Variants in FRMD4A observed in about 807,000 individuals in gnomAD.
The protein encoded by FRMD4A is FERM domain containing 4A.
FRMD4A carries 29 observed loss-of-function variants against 129.1 expected under a neutral mutation model. The ratio of observed to expected loss-of-function variants is 0.22; its 90% confidence interval spans 0.17 to 0.31. FRMD4A has a LOEUF of 0.31. FRMD4A is among the 10% of genes least tolerant of loss of function. FRMD4A has a pLI of 1.00. For synonymous variants in FRMD4A, 634 were observed against 571.6 expected, an observed-to-expected ratio of 1.11 and a Z score of -1.56; for missense variants, 1,272 against 1,375.8, an observed-to-expected ratio of 0.92 and a Z score of 1.19.
At chr10:14,140,506 G>T (rs1487429566) in intron 2 of FRMD4A, among the ~76,000 whole-genome samples, 1 of 152,226 alleles carries the variant, frequency 6.6e-6, no homozygotes, top group African/African-American at 2.4e-5. Context: ...GGGCTTTGAA[G>T]ATGTGAGATG....
chr10:13,793,654 G>C (rs1251640691), intron 5 of FRMD4A, among the ~76,000 whole-genome samples: 1 of 152,140 alleles, frequency 6.6e-6, no homozygotes, highest in South Asian at 2.1e-4. Flanking sequence ...GAGCCCAACC[G>C]TGCTTCTGTT....
intron 3 of FRMD4A, among the ~76,000 whole-genome samples, chr10:13,851,149 G>T (rs1016507545): frequency 6.6e-6 from 1 of 152,216 alleles, no homozygotes; most frequent in Non-Finnish European, 1.5e-5. Flanking sequence ...GGGAGGCAGA[G>T]GTTGCCGTGA....
At chr10:13,872,253 T>C (rs2094446549) in intron 2 of FRMD4A, among the ~76,000 whole-genome samples, 1 of 152,210 alleles carries the variant, frequency 6.6e-6, no homozygotes, top group African/African-American at 2.4e-5. Context: ...AGGAGGCTAA[T>C]TCTGGGCAGG....
intron 3 of FRMD4A, among the ~76,000 whole-genome samples, chr10:13,823,651 G>A (rs2093660552): frequency 6.6e-6 from 1 of 152,164 alleles, no homozygotes. Context: ...ATCTTGTCCT[G>A]CAGTGAGTAA....
Position 14,000,646 on chromosome 10 carries a change from C to CAAAAAAAAAAA in FRMD4A, c.46-141745_46-141735dup, listed in dbSNP as rs11377448. Reference sequence around the variant, plus strand: ...TGGGTGACAGAGCAAGACGCCACCTCAAAAAAAAAAAAAAAAAAAAAAGAG... The same window carrying CAAAAAAAAAAA: ...TGGGTGACAGAGCAAGACGCCACCTCAAAAAAAAAAAAAAAAAAAAAAAAAAAAAAAAAGAG... On this transcript the variant is annotated intron_variant, in intron 2 of 24. Transcript: ENST00000357447. 4.4e-3 allele frequency among the ~76,000 whole-genome samples: 192 copies of CAAAAAAAAAAA among 43,432 alleles called. 18 individuals are homozygous for CAAAAAAAAAAA. Among genetic ancestry groups the CAAAAAAAAAAA allele is most frequent in the Non-Finnish European group, 5.1e-3 (123 of 24,056 alleles). The allele number at this position is 43,432 out of a possible 152,430, so 28.5% of individuals were successfully genotyped here.
intron 8 of FRMD4A, among the ~76,000 whole-genome samples, chr10:13,755,844 C>A (rs2091839093): frequency 6.6e-6 from 1 of 152,146 alleles, no homozygotes; most frequent in Non-Finnish European, 1.5e-5. Flanking sequence ...TAAACTGGCC[C>A]CCAAGTATTC....
chr10:13,881,224 C>G (rs2077350), intron 2 of FRMD4A, among the ~76,000 whole-genome samples: 1,547 of 146,650 alleles, frequency 0.011, 23 homozygotes, highest in African/African-American at 0.037. Context: ...CAAGACCAGC[C>G]AAGGCAATCT....
intron 17 of FRMD4A, among the ~76,000 whole-genome samples, chr10:13,669,528 G>A (rs2083343873): frequency 6.6e-6 from 1 of 152,214 alleles, no homozygotes; most frequent in African/African-American, 2.4e-5. Flanking sequence ...TACCCCAGGT[G>A]TCCGTTTCTC....
chr10:13,858,778 A>C, intron 3 of FRMD4A, 69 bp downstream of exon 3: 1 of 876,046 alleles, frequency 1.1e-6, no homozygotes, highest in South Asian at 1.3e-5. Flanking sequence ...CTTCATCCCC[A>C]GCTGGATCAA....
intron 2 of FRMD4A, among the ~76,000 whole-genome samples, chr10:13,924,472 G>A (rs1352423918): frequency 2.0e-5 from 3 of 149,374 alleles, no homozygotes; most frequent in Middle Eastern, 3.4e-3. Flanking sequence ...CACACTTACC[G>A]TTCCCTCTGC....
At chr10:14,259,100 C>A (rs944675787) in intron 2 of FRMD4A, among the ~76,000 whole-genome samples, 1 of 152,058 alleles carries the variant, frequency 6.6e-6, no homozygotes, top group Non-Finnish European at 1.5e-5. Context: ...AATACATATG[C>A]CAAAACTCTT....
intron 3 of FRMD4A, among the ~76,000 whole-genome samples, chr10:13,819,747 G>T (rs2093601709): frequency 6.8e-6 from 1 of 148,044 alleles, no homozygotes; most frequent in Non-Finnish European, 1.5e-5. Context: ...GCGGGCTGGA[G>T]TACAGTGGCA....
intron 2 of FRMD4A, among the ~76,000 whole-genome samples, chr10:14,130,884 C>A (rs1339624589): frequency 6.6e-6 from 1 of 152,190 alleles, no homozygotes; most frequent in Non-Finnish European, 1.5e-5. Flanking sequence ...TAAGCCTCCA[C>A]ACAATTTAAA....
intron 2 of FRMD4A, among the ~76,000 whole-genome samples, chr10:14,197,889 T>C (rs1248886489): frequency 6.6e-6 from 1 of 152,180 alleles, no homozygotes; most frequent in Non-Finnish European, 1.5e-5. Flanking sequence ...AGACAGAATA[T>C]TCTACTTATT....
At chr10:13,946,953 G>A (rs943433369) in intron 2 of FRMD4A, among the ~76,000 whole-genome samples, 3 of 152,200 alleles carry the variant, frequency 2.0e-5, no homozygotes, top group South Asian at 4.1e-4. Flanking sequence ...TAGACAAGAG[G>A]AGCGCTCATA....
At chr10:14,007,968 T>A in intron 2 of FRMD4A, 1 of 1,258,538 alleles carries the variant, frequency 7.9e-7, no homozygotes, top group Non-Finnish European at 1.0e-6. Flanking sequence ...TCAGGAAACG[T>A]GAGTAACAGA....
At chr10:13,866,260 C>A in intron 2 of FRMD4A, 1 of 974,692 alleles carries the variant, frequency 1.0e-6, no homozygotes, top group Non-Finnish European at 1.2e-6. Flanking sequence ...CAGTGACTTA[C>A]CGCTGACAGC....
intron 20 of FRMD4A, 43 bp from the exon 21 acceptor site, chr10:13,659,533 G>GCA: frequency 6.3e-7 from 1 of 1,584,502 alleles, no homozygotes; most frequent in Middle Eastern, 2.0e-4. Flanking sequence ...CAGACAGACA[G>GCA]CACCTTTCCT....
At chr10:13,849,219 A>T (rs749050251) in intron 3 of FRMD4A, among the ~76,000 whole-genome samples, 6 of 152,166 alleles carry the variant, frequency 3.9e-5, no homozygotes, top group Non-Finnish European at 8.8e-5. Flanking sequence ...CATAACACTG[A>T]GTCCCTCTGT....
Sources: allele counts gnomAD v4.1 joint callset (sites outside exome capture counted in the v4.1 genomes callset), GRCh38; gene constraint gnomAD v4.1.1; transcripts MANE v1.5; gene names NCBI Gene and HGNC (gene_info 2026-07-23, HGNC 2026-07-21).